The following VPS13D variants were observed in gnomAD, a reference collection of about 807,000 sequenced individuals.
VPS13D encodes the protein vacuolar protein sorting 13 homolog D.
In VPS13D, 187 loss-of-function variants were observed where a neutral mutation model predicts 461.9. That is an observed-to-expected ratio of 0.40 (90% CI 0.36 to 0.46). The LOEUF (loss-of-function observed/expected upper bound fraction) is 0.46. VPS13D is among the 20% of genes least tolerant of loss of function. The pLI is 0.60. For missense variants in VPS13D, 4,711 were observed against 5,364.9 expected, an observed-to-expected ratio of 0.88 and a Z score of 3.81; for synonymous variants, 1,951 against 1,986.3, an observed-to-expected ratio of 0.98 and a Z score of 0.47.
chr1:12,304,987 C>T (rs966006645), intron 26 of VPS13D, among the ~76,000 whole-genome samples: 1 of 152,120 alleles, frequency 6.6e-6, no homozygotes, highest in African/African-American at 2.4e-5. Context: ...CCTATTAGGA[C>T]TTTTTTCTTA....
At chr1:12,396,393 G>A (rs1644499530) in intron 60 of VPS13D, among the ~76,000 whole-genome samples, 1 of 152,040 alleles carries the variant, frequency 6.6e-6, no homozygotes, top group African/African-American at 2.4e-5. Context: ...ATTAACTTTC[G>A]GAGTTCTGAA....
At chr1:12,409,539 A>G (rs1258978923) in intron 63 of VPS13D, among the ~76,000 whole-genome samples, 2 of 152,226 alleles carry the variant, frequency 1.3e-5, no homozygotes, top group Non-Finnish European at 2.9e-5. Flanking sequence ...TAGAAAAAAT[A>G]TAAAATTAGA....
At chr1:12,399,610 A>G (rs1332693914) in intron 60 of VPS13D, among the ~76,000 whole-genome samples, 3 of 151,998 alleles carry the variant, frequency 2.0e-5, no homozygotes, top group South Asian at 2.1e-4. Context: ...ACCTGAGGTC[A>G]GGAGTTCAAG....
At chr1:12,334,509 G>T (rs1401953467) in intron 38 of VPS13D, among the ~76,000 whole-genome samples, 2 of 152,252 alleles carry the variant, frequency 1.3e-5, no homozygotes, top group Non-Finnish European at 2.9e-5. Context: ...GCTCATGCCT[G>T]TTAACCCAGT....
intron 22 of VPS13D, among the ~76,000 whole-genome samples, chr1:12,290,078 A>G (rs1458053608): frequency 6.6e-6 from 1 of 152,222 alleles, no homozygotes; most frequent in Non-Finnish European, 1.5e-5. Context: ...ATTCCTTTTT[A>G]GTATCCATAC....
intron 30 of VPS13D, among the ~76,000 whole-genome samples, chr1:12,316,993 T>C (rs1402038727): frequency 2.0e-5 from 3 of 151,588 alleles, no homozygotes; most frequent in Admixed American, 6.6e-5. Context: ...AATGGCAACT[T>C]GTCCCCCCAC....
At chr1:12,455,415 A>AT (rs1353563185) in intron 65 of VPS13D, among the ~76,000 whole-genome samples, 7 of 152,266 alleles carry the variant, frequency 4.6e-5, no homozygotes, top group African/African-American at 1.4e-4. Context: ...CCTCAAGACT[A>AT]TTTTGTTATA....
At chr1:12,448,684 G>A (rs192487589) in intron 65 of VPS13D, among the ~76,000 whole-genome samples, 61 of 152,286 alleles carry the variant, frequency 4.0e-4, no homozygotes, top group African/African-American at 1.3e-3. Flanking sequence ...ACTAAGCCCC[G>A]ACTTCTCTAT....
chr1:12,377,006 G>A (rs1284612952), intron 55 of VPS13D, among the ~76,000 whole-genome samples: 2 of 151,932 alleles, frequency 1.3e-5, no homozygotes, highest in Admixed American at 6.5e-5. Flanking sequence ...CTATGAGGAG[G>A]GACATATGTC....
chr1:12,401,788 C>T, intron 62 of VPS13D, 84 bp downstream of exon 62: 1 of 1,131,684 alleles, frequency 8.8e-7, no homozygotes, highest in South Asian at 1.4e-5. Context: ...TAGGTAGCCC[C>T]TTGGTGTCTG....
chr1:12,348,843 G>A lies in VPS13D; in HGVS notation c.9090G>A (p.Val3030=), dbSNP rs200703371. 4.6e-4 allele frequency: 750 copies of A among 1,614,026 alleles called. 2 individuals carry two copies. The highest frequency in any genetic ancestry group is 5.8e-4 in the Non-Finnish European group (686 of 1,179,998). Residue 3030 remains valine (V), a synonymous_variant, in exon 45 of 70, where the codon GTG becomes GTA. Coordinates refer to ENST00000620676, the MANE Select transcript of VPS13D (RefSeq NM_015378.4). ...PQVYFSSLPP[V]RVVFAVTMEG... The stretch of plus-strand genomic sequence containing the variant: ...CACAGTTCTCTTCACTCCCACCAGT[G>A]CGGGTGGTCTTTGCAGTGACTATGG...
chr1:12,429,005 A>G (rs771847712), intron 65 of VPS13D, among the ~76,000 whole-genome samples: 4 of 152,150 alleles, frequency 2.6e-5, no homozygotes, highest in Non-Finnish European at 5.9e-5. Context: ...GTGTTCCTCA[A>G]GGATGAGATT....
intron 66 of VPS13D, among the ~76,000 whole-genome samples, chr1:12,459,970 G>C (rs924433413): frequency 6.9e-5 from 3 of 43,436 alleles, no homozygotes; most frequent in African/African-American, 2.6e-4. Context: ...TTTTTTTTTT[G>C]AACTGGAGCA....
At position 12,288,415 on chromosome 1, in the gene VPS13D, G is replaced by T. The variant is rs1569814114; in HGVS notation, c.5725+102G>T. On this transcript the variant is annotated intron_variant, in intron 22 of 69. Coordinates refer to ENST00000620676, the MANE Select transcript of VPS13D (RefSeq NM_015378.4). Reference sequence around the variant, plus strand: ...GTCCTCACGTGCTGAGTAAGGTGTGGCAGTGGCTTGATTGTGGTTATTAGT... The same window carrying T: ...GTCCTCACGTGCTGAGTAAGGTGTGTCAGTGGCTTGATTGTGGTTATTAGT... The T allele has an allele frequency of 5.8e-6, 6 of 1,028,186 alleles. No homozygotes were observed. In the East Asian group the frequency reaches 1.2e-4, roughly 21 times the overall value. 63.7% of individuals were successfully genotyped at this position (1,028,186 alleles called of 1,614,324 possible).
In VPS13D at chr1:12,299,423, G is replaced by A; in HGVS notation, c.6216+39G>A. 1 of 1,550,028 alleles carries A rather than the reference G, an allele frequency of 6.5e-7. No individual in the cohort carries two copies. The highest frequency in any genetic ancestry group is 8.7e-7 in the Non-Finnish European group (1 of 1,153,354). Reference sequence around the variant, plus strand: ...ATCCATTTCCTTTTCCGTTCAGCTAGTATTTGATCACTAATTGAAAAATTT... The same window carrying A: ...ATCCATTTCCTTTTCCGTTCAGCTAATATTTGATCACTAATTGAAAAATTT... On this transcript the variant is annotated intron_variant, in intron 25 of 69. Transcript: ENST00000620676. This position sits in a 1 kb window ranked among gnomAD's most constrained non-coding sequence, Gnocchi z 4.2.
intron 67 of VPS13D, among the ~76,000 whole-genome samples, chr1:12,488,176 G>T (rs995283239): frequency 3.9e-5 from 6 of 152,198 alleles, no homozygotes; most frequent in Non-Finnish European, 8.8e-5. Context: ...TTTAAATACT[G>T]CACTTTCGCA....
intron 21 of VPS13D, among the ~76,000 whole-genome samples, chr1:12,286,466 G>A (rs1397685540): frequency 6.6e-6 from 1 of 152,176 alleles, no homozygotes; most frequent in Non-Finnish European, 1.5e-5. Context: ...TAATTATAGT[G>A]TATCTGCCCC....
At chr1:12,434,866 T>C (rs1313080422) in intron 65 of VPS13D, among the ~76,000 whole-genome samples, 1 of 152,214 alleles carries the variant, frequency 6.6e-6, no homozygotes, top group Non-Finnish European at 1.5e-5. Flanking sequence ...TTCTGGACTG[T>C]TGGTGGGTTT....
intron 59 of VPS13D, 39 bp from the exon 60 acceptor site, chr1:12,386,146 T>A (rs906079520): frequency 6.3e-7 from 1 of 1,588,410 alleles, no homozygotes; most frequent in Admixed American, 1.8e-5. Flanking sequence ...TGAGCTGTGT[T>A]TAAAACAATC....
Sources: allele counts gnomAD v4.1 joint callset (sites outside exome capture counted in the v4.1 genomes callset), GRCh38; gene constraint gnomAD v4.1.1; non-coding constraint Gnocchi (gnomAD v3.1); transcripts MANE v1.5; gene names NCBI Gene and HGNC (gene_info 2026-07-23, HGNC 2026-07-21).